Variants in APMAP observed in about 807,000 individuals in gnomAD.
The protein encoded by APMAP is adipocyte plasma membrane associated protein.
A neutral mutation model predicts 43.6 loss-of-function variants in APMAP; 33 were observed. The observed-to-expected ratio is 0.76, with a 90% CI of 0.57 to 1.01. APMAP has a LOEUF of 1.01. Among genes scored for constraint, APMAP ranks in the 50% least tolerant of loss-of-function variants. The pLI is 0.00. For missense variants in APMAP, 498 were observed against 540.7 expected, an observed-to-expected ratio of 0.92 and a Z score of 0.78; for synonymous variants, 224 against 216.7, an observed-to-expected ratio of 1.03 and a Z score of -0.30.
intron 3 of APMAP, among the ~76,000 whole-genome samples, chr20:24,977,191 G>A (rs1164953628): frequency 1.3e-5 from 2 of 152,236 alleles, no homozygotes; most frequent in Admixed American, 6.5e-5. Context: ...TACTATTGAC[G>A]TATTGATGTG....
At chr20:24,968,170 T>G (rs902294768) in intron 8 of APMAP, among the ~76,000 whole-genome samples, 1 of 152,176 alleles carries the variant, frequency 6.6e-6, no homozygotes, top group Non-Finnish European at 1.5e-5. Context: ...CCCTCCACAG[T>G]GTAAACGTGC....
At chr20:24,977,101 A>G (rs59744473) in intron 3 of APMAP, among the ~76,000 whole-genome samples, 14,600 of 152,280 alleles carry the variant, frequency 0.096, 801 homozygotes, top group African/African-American at 0.12. Context: ...ATACCATAAC[A>G]GTGGATACAT....
intron 2 of APMAP, among the ~76,000 whole-genome samples, chr20:24,980,640 G>A (rs1468979355): frequency 1.3e-5 from 2 of 151,820 alleles, no homozygotes; most frequent in African/African-American, 2.4e-5. Context: ...AAGAGGCCAT[G>A]CTACCATGAC....
At chr20:24,992,503 G>C (rs996748801) in intron 1 of APMAP, 91 bp downstream of exon 1, 1 of 1,071,246 alleles carries the variant, frequency 9.3e-7, no homozygotes, top group Non-Finnish European at 1.2e-6. Flanking sequence ...GCATCCCCAG[G>C]TTACTGTTAC....
At chr20:24,980,455 C>T (rs147756115) in intron 2 of APMAP, among the ~76,000 whole-genome samples, 1 of 152,062 alleles carries the variant, frequency 6.6e-6, no homozygotes, top group East Asian at 1.9e-4. Flanking sequence ...ACACGCCGGG[C>T]AGCATGGGGT....
chr20:24,976,136 G>T (rs1052015245), intron 3 of APMAP, among the ~76,000 whole-genome samples: 2 of 152,098 alleles, frequency 1.3e-5, no homozygotes, highest in Non-Finnish European at 2.9e-5. Context: ...AACACCTAGG[G>T]TATGATGATG....
intron 3 of APMAP, among the ~76,000 whole-genome samples, chr20:24,974,945 T>C (rs971623091): frequency 1.3e-5 from 2 of 152,144 alleles, no homozygotes; most frequent in Non-Finnish European, 2.9e-5. Context: ...TATCAACAGA[T>C]ACAGAAAAAA....
At chr20:24,982,836 C>T (rs1017726044) in intron 2 of APMAP, among the ~76,000 whole-genome samples, 1 of 152,106 alleles carries the variant, frequency 6.6e-6, no homozygotes, top group African/African-American at 2.4e-5. Flanking sequence ...AGGGGACCCC[C>T]CCCCGCCACC....
intron 3 of APMAP, among the ~76,000 whole-genome samples, chr20:24,975,131 G>A (rs1327166819): frequency 6.6e-6 from 1 of 152,086 alleles, no homozygotes; most frequent in Non-Finnish European, 1.5e-5. Flanking sequence ...AGGCAAAGAT[G>A]CCCCTATCAC....
At chr20:24,969,391 G>T in intron 7 of APMAP, 135 bp downstream of exon 7, 2 of 1,379,114 alleles carry the variant, frequency 1.5e-6, no homozygotes. Flanking sequence ...GCGCACCCTT[G>T]AATTTTCTTT....
chr20:24,981,745 T>C lies in APMAP; in HGVS notation c.212+2158A>G, dbSNP rs564938694. ...TTTAAAATTATAGCAACCAAATCCA[T>C]TCTCCAAAATGCTGCTCTATTTTTT... On this transcript the variant is annotated intron_variant, in intron 2 of 8. Coordinates refer to ENST00000217456, the MANE Select transcript of APMAP (RefSeq NM_020531.3). Among the ~76,000 whole-genome samples, 358 of 152,372 alleles carry C rather than the reference T, an allele frequency of 2.3e-3. 1 individual carries two copies. Among genetic ancestry groups the C allele is most frequent in the African/African-American group, 8.4e-3 (351 of 41,578 alleles).
At chr20:24,985,065 C>T (rs1333237919) in intron 1 of APMAP, among the ~76,000 whole-genome samples, 3 of 152,100 alleles carry the variant, frequency 2.0e-5, no homozygotes, top group Non-Finnish European at 4.4e-5. Flanking sequence ...GCCATTTAGA[C>T]GTGTTAAACT....
In APMAP at chr20:24,973,564, G is replaced by T. The variant is rs2088023929; in HGVS notation, c.421+81C>A. On this transcript the variant is annotated intron_variant, in intron 4 of 8. Transcript: ENST00000217456. ...TTCTTTTTCTCCCACAGGCATTCTA[G>T]GGAAAAGCAGTTCCACACAACGATC... The T allele has an allele frequency of 6.6e-6, 9 of 1,364,832 alleles. No individual in the cohort carries two copies. In the East Asian group the frequency reaches 1.9e-4, roughly 29 times the overall value. The allele number at this position is 1,364,832 out of a possible 1,614,324, so 84.5% of individuals were successfully genotyped here. A position where few individuals can be genotyped will look rare whatever the true frequency, so the allele number is the denominator to read the frequency against.
intron 1 of APMAP, among the ~76,000 whole-genome samples, chr20:24,984,500 T>C (rs1426287807): frequency 6.6e-6 from 1 of 152,178 alleles, no homozygotes; most frequent in Non-Finnish European, 1.5e-5. Flanking sequence ...GCTAAAGTCA[T>C]GAAGGAAATG....
intron 1 of APMAP, among the ~76,000 whole-genome samples, chr20:24,989,514 T>C (rs1431972604): frequency 6.6e-6 from 1 of 152,164 alleles, no homozygotes; most frequent in Non-Finnish European, 1.5e-5. Context: ...ACAAGCAGAC[T>C]CCAAGAGATC....
chr20:24,963,881 C>G lies in APMAP; in HGVS notation c.1183G>C (p.Asp395His). 6.2e-7 allele frequency: 1 copy of G among 1,614,238 alleles called. No individual in the cohort carries two copies. The highest frequency in any genetic ancestry group is 1.1e-5 in the South Asian group (1 of 91,088). ...ATYISEVHEH[D>H]GHLYLGSFRS... ...AAAGAGCCCAGGTACAGGTGCCCAT[C>G]GTGTTCGTGCACCTCGCTGATGTAG... is the stretch of plus-strand genomic sequence containing the variant. The change falls in exon 9 of 9, where the codon GAT becomes CAT. Residue 395 changes from aspartate to histidine, a missense_variant. Asp to His is a moderately conservative substitution (Grantham distance 81). Coordinates refer to ENST00000217456, the MANE Select transcript of APMAP (RefSeq NM_020531.3).
intron 7 of APMAP, 77 bp downstream of exon 7, chr20:24,969,449 C>T: frequency 6.5e-7 from 1 of 1,527,684 alleles, no homozygotes; most frequent in Non-Finnish European, 8.8e-7. Flanking sequence ...TCTGTCGATC[C>T]CATTTCCATG....
In APMAP at chr20:24,983,986, G is replaced by A; in HGVS notation, c.129C>T (p.Phe43=). The change falls in exon 2 of 9, where the codon TTC becomes TTT. Residue 43 remains phenylalanine, a synonymous_variant. Coordinates refer to ENST00000217456, the MANE Select transcript of APMAP (RefSeq NM_020531.3). The part of the protein sequence containing the change: ...SFSGRVFRVT[F]LMLAVSLTVP... ...CGGTGAGAGAAACAGCCAGCATCAA[G>A]AAGGTCACTCGGAAAACTCTGCCGC... 2 of 1,613,892 alleles carry A rather than the reference G, an allele frequency of 1.2e-6. No homozygotes were observed. The highest frequency in any genetic ancestry group is 1.1e-5 in the South Asian group (1 of 91,068).
At chr20:24,964,313 G>A in intron 8 of APMAP, 1 of 595,466 alleles carries the variant, frequency 1.7e-6, no homozygotes, top group Non-Finnish European at 3.3e-6. Flanking sequence ...AACTGAGAGA[G>A]ACATATCACA....
Sources: gnomAD v4.1 joint callset for allele counts (sites outside exome capture counted in the v4.1 genomes callset) on GRCh38, gnomAD v4.1.1 for gene constraint, MANE v1.5 for transcripts, NCBI Gene and HGNC (gene_info 2026-07-23, HGNC 2026-07-21) for gene names.